The following ZNF804B variants were observed in gnomAD, a reference collection of about 807,000 sequenced individuals.
ZNF804B encodes the protein zinc finger 804B.
Under a neutral mutation model 101.4 loss-of-function variants are expected in ZNF804B, and 80 were observed. That is an observed-to-expected ratio of 0.79 (90% CI 0.66 to 0.95). The LOEUF (loss-of-function observed/expected upper bound fraction) is 0.95. ZNF804B is among the 40% of genes least tolerant of loss of function. ZNF804B has a pLI of 0.00. For synonymous variants in ZNF804B, 622 were observed against 558.8 expected, an observed-to-expected ratio of 1.11 and a Z score of -1.59; for missense variants, 1,673 against 1,561.9, an observed-to-expected ratio of 1.07 and a Z score of -1.20.
intron 1 of ZNF804B, among the ~76,000 whole-genome samples, chr7:88,764,085 A>C (rs986240964): frequency 2.6e-5 from 4 of 152,202 alleles, no homozygotes; most frequent in African/African-American, 9.6e-5. Context: ...AATAGCTTCT[A>C]TGTAATAAGA....
rs372565139 is a variant in ZNF804B, at chr7:88,954,261, G to T, written c.108+194177G>T. Among the ~76,000 whole-genome samples, 59 of 151,576 alleles carry T rather than the reference G, an allele frequency of 3.9e-4. No individual in the cohort carries two copies. The East Asian group carries it at 7.7e-3, about 20-fold the overall frequency. ...AGTGAGAATCAGAGAAAACTAATTT[G>T]TCTGTCTCACTCTATAGCCATTTTA... On this transcript the variant is annotated intron_variant, in intron 1 of 3. Coordinates refer to ENST00000333190, the MANE Select transcript of ZNF804B (RefSeq NM_181646.5).
chr7:88,803,170 T>TA (rs773301320), intron 1 of ZNF804B, among the ~76,000 whole-genome samples: 1 of 151,434 alleles, frequency 6.6e-6, no homozygotes, highest in South Asian at 2.1e-4. Flanking sequence ...AAAAAAACGT[T>TA]AAAAAATAAG....
chr7:88,871,429 ATAG>A (rs937554483), intron 1 of ZNF804B, among the ~76,000 whole-genome samples: 1 of 152,118 alleles, frequency 6.6e-6, no homozygotes, highest in African/African-American at 2.4e-5. Flanking sequence ...AAACCTGAAA[ATAG>A]TAGAGGAAAA....
At chr7:89,023,807 C>A (rs1258497315) in intron 1 of ZNF804B, among the ~76,000 whole-genome samples, 1 of 152,276 alleles carries the variant, frequency 6.6e-6, no homozygotes, top group South Asian at 2.1e-4. Flanking sequence ...CCTGTCAGAC[C>A]TGAGCTCATA....
At chr7:89,227,032 C>G (rs892430828) in intron 2 of ZNF804B, among the ~76,000 whole-genome samples, 1 of 152,160 alleles carries the variant, frequency 6.6e-6, no homozygotes, top group Non-Finnish European at 1.5e-5. Flanking sequence ...AGGTCAGATG[C>G]ATAGCTATTG....
chr7:88,785,960 T>A (rs1790295710), intron 1 of ZNF804B, among the ~76,000 whole-genome samples: 1 of 152,076 alleles, frequency 6.6e-6, no homozygotes, highest in African/African-American at 2.4e-5. Flanking sequence ...ATGACAACAC[T>A]TATTATAATT....
intron 1 of ZNF804B, among the ~76,000 whole-genome samples, chr7:88,787,232 A>C (rs1049383862): frequency 6.6e-6 from 1 of 152,154 alleles, no homozygotes; most frequent in Non-Finnish European, 1.5e-5. Flanking sequence ...TGGATCAGAG[A>C]ATCAAGGCTT....
chr7:89,188,900 A>G (rs551025860), intron 1 of ZNF804B, among the ~76,000 whole-genome samples: 1 of 152,306 alleles, frequency 6.6e-6, no homozygotes, highest in South Asian at 2.1e-4. Flanking sequence ...TTAAAGTTAC[A>G]AGGTGATGAT....
chr7:88,850,148 G>T (rs74661102), intron 1 of ZNF804B, among the ~76,000 whole-genome samples: 1 of 152,068 alleles, frequency 6.6e-6, no homozygotes, highest in Non-Finnish European at 1.5e-5. Flanking sequence ...GACATTTTAC[G>T]TTAGGCAAAG....
chr7:89,217,984 A>T (rs527648623), intron 1 of ZNF804B, among the ~76,000 whole-genome samples, 171 bp from the exon 2 acceptor site: 25 of 152,280 alleles, frequency 1.6e-4, no homozygotes, highest in African/African-American at 6.0e-4. Flanking sequence ...ATGTCAGTTG[A>T]TAAGTTAGGG....
At chr7:89,110,506 A>C (rs1046866543) in intron 1 of ZNF804B, among the ~76,000 whole-genome samples, 1 of 152,230 alleles carries the variant, frequency 6.6e-6, no homozygotes, top group Non-Finnish European at 1.5e-5. Flanking sequence ...AGAGTTAAGG[A>C]GACAGATATA....
At chr7:88,964,821 A>G (rs1793432264) in intron 1 of ZNF804B, among the ~76,000 whole-genome samples, 1 of 151,424 alleles carries the variant, frequency 6.6e-6, no homozygotes, top group Non-Finnish European at 1.5e-5. Context: ...TTAGAAGCTC[A>G]CCTGAAATTT....
At chr7:88,836,054 A>G (rs1158695989) in intron 1 of ZNF804B, among the ~76,000 whole-genome samples, 4 of 151,940 alleles carry the variant, frequency 2.6e-5, no homozygotes, top group Non-Finnish European at 5.9e-5. Context: ...TATGATAACC[A>G]CTTAGAAAGA....
intron 1 of ZNF804B, among the ~76,000 whole-genome samples, chr7:89,062,111 A>G (rs1414786018): frequency 2.6e-5 from 4 of 152,126 alleles, no homozygotes; most frequent in Non-Finnish European, 4.4e-5. Context: ...ACTTCCAGAA[A>G]GAAGGCCCTT....
intron 1 of ZNF804B, among the ~76,000 whole-genome samples, chr7:88,845,323 T>C (rs1337207686): frequency 3.8e-5 from 4 of 105,822 alleles, no homozygotes; most frequent in African/African-American, 1.2e-4. Flanking sequence ...ACACACACAA[T>C]AACAACACAC....
At chr7:89,084,376 T>C (rs1789741308) in intron 1 of ZNF804B, among the ~76,000 whole-genome samples, 1 of 151,908 alleles carries the variant, frequency 6.6e-6, no homozygotes, top group African/African-American at 2.4e-5. Flanking sequence ...AGAGGTTAAA[T>C]GGTACAGTGT....
intron 1 of ZNF804B, among the ~76,000 whole-genome samples, chr7:89,079,951 T>G (rs11763222): frequency 0.45 from 68,323 of 151,782 alleles, 16,225 homozygotes; most frequent in Non-Finnish European, 0.53. Flanking sequence ...AACTGGATTA[T>G]GGAGCACCTT....
chr7:88,949,851 CTG>C (rs1423949986), intron 1 of ZNF804B, among the ~76,000 whole-genome samples: 1 of 151,880 alleles, frequency 6.6e-6, no homozygotes, highest in Non-Finnish European at 1.5e-5. Context: ...CAGTAACATG[CTG>C]TACAGGTTTG....
chr7:88,774,296 G>A (rs1004819737), intron 1 of ZNF804B, among the ~76,000 whole-genome samples: 1 of 150,218 alleles, frequency 6.7e-6, no homozygotes, highest in Admixed American at 6.7e-5. Context: ...AATCCTCTTA[G>A]TTTGGTTGTG....
Sources: allele counts gnomAD v4.1 joint callset (sites outside exome capture counted in the v4.1 genomes callset), GRCh38; gene constraint gnomAD v4.1.1; transcripts MANE v1.5; gene names NCBI Gene and HGNC (gene_info 2026-07-23, HGNC 2026-07-21).